Variants in IGFL2 observed in about 807,000 individuals in gnomAD.
The protein encoded by IGFL2 is insulin growth factor-like family member 2.
IGFL2 carries 7 observed loss-of-function variants against 13.9 expected under a neutral mutation model. The observed-to-expected ratio is 0.51, with a 90% CI of 0.29 to 0.95. The LOEUF (loss-of-function observed/expected upper bound fraction) is 0.95, where lower values mean the gene tolerates loss of function less well. IGFL2 is among the 40% of genes least tolerant of loss of function. The pLI, the probability that IGFL2 is intolerant of heterozygous loss-of-function variation, is 0.08. For synonymous variants in IGFL2, 55 were observed against 55.8 expected (o/e 0.99, Z 0.07); for missense variants, 138 against 147.8 (o/e 0.93, Z 0.34).
the IGFL2 span, among the ~76,000 whole-genome samples, chr19:46,172,826 T>C: frequency 6.6e-6 from 1 of 152,176 alleles, no homozygotes; most frequent in African/African-American, 2.4e-5. Flanking sequence ...CATGCAATCC[T>C]ACCACCTCAG....
At chr19:46,094,609 C>T in the IGFL2 span, among the ~76,000 whole-genome samples, 1 of 151,782 alleles carries the variant, frequency 6.6e-6, no homozygotes. Context: ...TGGTGGTTTG[C>T]TGCACCTATC....
At chr19:46,132,006 A>T in the IGFL2 span, among the ~76,000 whole-genome samples, 3 of 152,234 alleles carry the variant, frequency 2.0e-5, no homozygotes, top group African/African-American at 7.2e-5. Flanking sequence ...TCTAGTATTA[A>T]CGTAGCAGAA....
At chr19:46,090,824 G>T in the IGFL2 span, among the ~76,000 whole-genome samples, 1 of 152,188 alleles carries the variant, frequency 6.6e-6, no homozygotes, top group Admixed American at 6.5e-5. Context: ...AGCTCTGGAA[G>T]CTTAGTCCAT....
At chr19:46,194,093 A>G in the IGFL2 span, among the ~76,000 whole-genome samples, 3 of 152,058 alleles carry the variant, frequency 2.0e-5, no homozygotes, top group Non-Finnish European at 4.4e-5. Context: ...GCTGGGCTCT[A>G]CGGGACACAG....
the IGFL2 span, among the ~76,000 whole-genome samples, chr19:46,082,131 G>A: frequency 1.3e-5 from 2 of 152,148 alleles, no homozygotes; most frequent in Non-Finnish European, 2.9e-5. Context: ...TTGGTTAGCA[G>A]GCCAGTCATG....
At chr19:46,105,624 A>G in the IGFL2 span, among the ~76,000 whole-genome samples, 3 of 152,214 alleles carry the variant, frequency 2.0e-5, no homozygotes, top group Non-Finnish European at 4.4e-5. Context: ...AAGAGTGAAT[A>G]TAGCTGAAGG....
At chr19:46,135,118 GTTTC>G in the IGFL2 span, among the ~76,000 whole-genome samples, 16,056 of 152,162 alleles carry the variant, frequency 0.11, 1,208 homozygotes, top group African/African-American at 0.21. Flanking sequence ...TGTACAGTTG[GTTTC>G]TTTCTTTCAC....
At chr19:46,205,221 AC>A in the IGFL2 span, among the ~76,000 whole-genome samples, 4 of 152,316 alleles carry the variant, frequency 2.6e-5, no homozygotes, top group South Asian at 6.2e-4. Flanking sequence ...CAAATCATAT[AC>A]TTTTCCAACA....
chr19:46,193,746 G>A, the IGFL2 span, among the ~76,000 whole-genome samples: 1 of 152,136 alleles, frequency 6.6e-6, no homozygotes, highest in African/African-American at 2.4e-5. Context: ...TATTGTAACT[G>A]TTCTATTTTA....
At chr19:46,182,880 T>C in the IGFL2 span, among the ~76,000 whole-genome samples, 1 of 152,042 alleles carries the variant, frequency 6.6e-6, no homozygotes, top group Non-Finnish European at 1.5e-5. Flanking sequence ...CTGTCATCTC[T>C]CTTGTCTCTC....
chr19:46,184,386 A>G, the IGFL2 span, among the ~76,000 whole-genome samples: 9 of 152,066 alleles, frequency 5.9e-5, no homozygotes, highest in African/African-American at 1.9e-4. Context: ...CGTCATCTAC[A>G]TTAGGTATTT....
chr19:46,211,428 A>G, the IGFL2 span, among the ~76,000 whole-genome samples: 1 of 152,106 alleles, frequency 6.6e-6, no homozygotes, highest in Non-Finnish European at 1.5e-5. Context: ...ATTCCACCTC[A>G]TTCCTGCCTG....
the IGFL2 span, chr19:46,205,036 C>T: frequency 6.6e-6 from 1 of 152,120 alleles, no homozygotes; most frequent in African/African-American, 2.4e-5. Flanking sequence ...ATCCACCTGC[C>T]TTGGCCTCCC....
the IGFL2 span, among the ~76,000 whole-genome samples, chr19:46,098,279 C>A: frequency 6.6e-6 from 1 of 152,058 alleles, no homozygotes; most frequent in Admixed American, 6.6e-5. Flanking sequence ...CTTTTTTGAA[C>A]CTTGCTGGTT....
rs113229863 is a variant in IGFL2 at position 46,153,819 on chromosome 19, A to G, written c.19+5522A>G. Among the ~76,000 whole-genome samples the G allele has an allele frequency of 2.1e-3, 278 of 134,482 alleles. 2 individuals carry two copies. Among genetic ancestry groups the G allele is most frequent in the Middle Eastern group, 0.016 (4 of 248 alleles). 88.2% of individuals were successfully genotyped at this position (134,482 alleles called of 152,430 possible). On this transcript the variant is annotated intron_variant, in intron 1 of 3. Coordinates refer to ENST00000377693, the MANE Select transcript of IGFL2 (RefSeq NM_001135113.2). ...TTTTTATTACAAATTATATATGTGT[A>G]TATATATATATATATATATATTTTT...
At chr19:46,163,255 C>T (rs939698404), downstream of IGFL2, among the ~76,000 whole-genome samples, 2 of 152,176 alleles carry the variant, frequency 1.3e-5, no homozygotes, top group African/African-American at 4.8e-5. Flanking sequence ...TCCTGGGCTG[C>T]CCACTGCAGC....
At chr19:46,153,687 T>G (rs1264597883) in intron 1 of IGFL2, among the ~76,000 whole-genome samples, 5 of 151,894 alleles carry the variant, frequency 3.3e-5, no homozygotes, top group Admixed American at 6.6e-5. Flanking sequence ...AATTCTATTT[T>G]ATTAGTGCTC....
chr19:46,143,709 A>AAT (rs2146812283), upstream of IGFL2, among the ~76,000 whole-genome samples: 3 of 152,254 alleles, frequency 2.0e-5, no homozygotes, highest in East Asian at 5.8e-4. Flanking sequence ...CACATTTATA[A>AAT]ACCCCTTCCC....
At chr19:46,085,232 A>G in the IGFL2 span, among the ~76,000 whole-genome samples, 1 of 152,194 alleles carries the variant, frequency 6.6e-6, no homozygotes, top group Non-Finnish European at 1.5e-5. Flanking sequence ...GCTCAAAAAA[A>G]AAGGAAAACA....
Sources: allele counts gnomAD v4.1 joint callset (sites outside exome capture counted in the v4.1 genomes callset), GRCh38; gene constraint gnomAD v4.1.1; transcripts MANE v1.5; gene names NCBI Gene and HGNC (gene_info 2026-07-23, HGNC 2026-07-21).